GALNTL6: variants seen among roughly 807,000 people sequenced by gnomAD.
GALNTL6 encodes polypeptide N-acetylgalactosaminyltransferase-like 6.
In GALNTL6, 46 loss-of-function variants were observed where a neutral mutation model predicts 73.7. The ratio of observed to expected loss-of-function variants is 0.62; its 90% confidence interval spans 0.49 to 0.80. The LOEUF (loss-of-function observed/expected upper bound fraction) is 0.80. Among genes scored for constraint, GALNTL6 ranks in the 30% least tolerant of loss-of-function variants. The pLI, the probability that GALNTL6 is intolerant of heterozygous loss-of-function variation, is 0.00. For missense variants in GALNTL6, 604 were observed against 755.0 expected (o/e 0.80, Z 2.34); for synonymous variants, 259 against 263.7 (o/e 0.98, Z 0.17).
At chr4:172,612,809 C>G (rs1186352111) in intron 5 of GALNTL6, among the ~76,000 whole-genome samples, 1 of 152,098 alleles carries the variant, frequency 6.6e-6, no homozygotes, top group Non-Finnish European at 1.5e-5. Flanking sequence ...TCCTGATCTA[C>G]TTCAGTGCTT....
chr4:172,467,908 T>A (rs11933543), intron 5 of GALNTL6, among the ~76,000 whole-genome samples: 2 of 149,092 alleles, frequency 1.3e-5, no homozygotes, highest in Non-Finnish European at 3.0e-5. Context: ...TTTTTTTTTT[T>A]ACTTGAGGCA....
At chr4:171,910,634 A>G (rs533738625) in intron 2 of GALNTL6, among the ~76,000 whole-genome samples, 2 of 152,038 alleles carry the variant, frequency 1.3e-5, no homozygotes, top group Non-Finnish European at 2.9e-5. Flanking sequence ...TAACCATCTT[A>G]CCCTGTTCGC....
chr4:172,392,013 G>A (rs1247125590), intron 5 of GALNTL6, among the ~76,000 whole-genome samples: 2 of 151,920 alleles, frequency 1.3e-5, no homozygotes, highest in Non-Finnish European at 2.9e-5. Context: ...CTTTGAGATG[G>A]AGTCTTGCTC....
intron 2 of GALNTL6, among the ~76,000 whole-genome samples, chr4:171,967,210 T>C (rs184701218): frequency 7.6e-4 from 116 of 152,368 alleles, no homozygotes; most frequent in Non-Finnish European, 1.1e-3. Context: ...AGCTGCTAGA[T>C]TATAAACAAG....
intron 8 of GALNTL6, among the ~76,000 whole-genome samples, chr4:172,924,533 G>A (rs1747952284): frequency 6.6e-6 from 1 of 152,178 alleles, no homozygotes; most frequent in Non-Finnish European, 1.5e-5. Context: ...CCAAATCTGG[G>A]GGCTCAGTGT....
intron 5 of GALNTL6, among the ~76,000 whole-genome samples, chr4:172,602,631 T>C (rs1264088501): frequency 3.3e-5 from 5 of 152,158 alleles, no homozygotes; most frequent in Non-Finnish European, 7.4e-5. Context: ...TTCTCATACA[T>C]TGACCATTCG....
intron 2 of GALNTL6, among the ~76,000 whole-genome samples, chr4:171,914,117 C>G (rs1737547938): frequency 6.6e-6 from 1 of 152,016 alleles, no homozygotes; most frequent in South Asian, 2.1e-4. Flanking sequence ...ATCATCAAAA[C>G]ACTATAGAGC....
chr4:172,850,534 G>A (rs577350601), intron 7 of GALNTL6, among the ~76,000 whole-genome samples: 35 of 152,102 alleles, frequency 2.3e-4, no homozygotes, highest in Non-Finnish European at 4.4e-4. Flanking sequence ...AAATATACGG[G>A]AATTTCTCCT....
chr4:172,648,425 G>A (rs1025006869), intron 5 of GALNTL6, among the ~76,000 whole-genome samples: 1 of 152,126 alleles, frequency 6.6e-6, no homozygotes, highest in Non-Finnish European at 1.5e-5. Flanking sequence ...GTTAATATTA[G>A]TTAGTAGTCA....
At chr4:172,079,459 T>C (rs1042348115) in intron 2 of GALNTL6, among the ~76,000 whole-genome samples, 4 of 152,120 alleles carry the variant, frequency 2.6e-5, no homozygotes, top group Non-Finnish European at 4.4e-5. Flanking sequence ...GTTCTCTTTC[T>C]GTAATTTTGA....
chr4:172,166,270 C>T (rs940896888), intron 2 of GALNTL6, among the ~76,000 whole-genome samples: 8 of 151,874 alleles, frequency 5.3e-5, no homozygotes, highest in African/African-American at 4.8e-5. Flanking sequence ...ATGGTGAAAC[C>T]CCGTCTCTAC....
intron 5 of GALNTL6, among the ~76,000 whole-genome samples, chr4:172,403,931 G>A (rs1744126536): frequency 6.6e-6 from 1 of 151,974 alleles, no homozygotes; most frequent in Non-Finnish European, 1.5e-5. Context: ...TACATTGTTA[G>A]AGGAGAGGCA....
chr4:172,520,774 G>T (rs898284889), intron 5 of GALNTL6, among the ~76,000 whole-genome samples: 7 of 151,724 alleles, frequency 4.6e-5, no homozygotes, highest in Non-Finnish European at 8.8e-5. Context: ...CTCATATCTG[G>T]TCATGTTACA....
rs531149238 is a variant in GALNTL6 at position 171,974,895 on chromosome 4, A to T, written c.138+160177A>T. ...GGTTGTAACAGTGGCTTTTTCAATG[A>T]TGCTTTCTTAATGACACTTTACAAA... On this transcript the variant is annotated intron_variant, in intron 2 of 12. Coordinates refer to ENST00000506823, the MANE Select transcript of GALNTL6 (RefSeq NM_001034845.3). Among the ~76,000 whole-genome samples, 4 of 152,308 alleles carry T rather than the reference A, an allele frequency of 2.6e-5. No homozygotes were observed. The East Asian group carries it at 7.7e-4, about 29-fold the overall frequency.
Position 172,561,213 on chromosome 4 carries a change from A to G in GALNTL6, c.553+212524A>G, listed in dbSNP as rs896137664. On this transcript the variant is annotated intron_variant, in intron 5 of 12. Transcript: ENST00000506823. ...GCTTGCAGTGAGCCGAGATTGCGCC[A>G]CTGCAGTCCGCAGTCCGGCCTGGGC... is the stretch of plus-strand genomic sequence containing the variant. Among the ~76,000 whole-genome samples the G allele has an allele frequency of 2.9e-5, 4 of 137,022 alleles. No individual in the cohort carries two copies. In the Admixed American group the frequency reaches 3.5e-4, roughly 12 times the overall value. 89.9% of individuals were successfully genotyped at this position (137,022 alleles called of 152,430 possible). A position where few individuals can be genotyped will look rare whatever the true frequency, so the allele number is the denominator to read the frequency against.
At chr4:172,369,557 G>A (rs1742705684) in intron 5 of GALNTL6, among the ~76,000 whole-genome samples, 1 of 152,284 alleles carries the variant, frequency 6.6e-6, no homozygotes, top group South Asian at 2.1e-4. Flanking sequence ...GGCTGCATGG[G>A]AGCACCCTGG....
At chr4:172,481,509 G>T (rs1733472583) in intron 5 of GALNTL6, among the ~76,000 whole-genome samples, 1 of 149,798 alleles carries the variant, frequency 6.7e-6, no homozygotes, top group Non-Finnish European at 1.5e-5. Context: ...TTTACAGAGA[G>T]CTGATTGGTC....
intron 5 of GALNTL6, among the ~76,000 whole-genome samples, chr4:172,436,682 T>C (rs546964385): frequency 6.6e-6 from 1 of 152,236 alleles, no homozygotes; most frequent in African/African-American, 2.4e-5. Flanking sequence ...TTTACTTGAC[T>C]CAAGAGGCCA....
At chr4:172,562,796 A>C (rs1736423114) in intron 5 of GALNTL6, among the ~76,000 whole-genome samples, 1 of 152,232 alleles carries the variant, frequency 6.6e-6, no homozygotes, top group Non-Finnish European at 1.5e-5. Context: ...ATTTAGAGTA[A>C]ATCACAGAGT....
Sources: allele counts gnomAD v4.1 joint callset (sites outside exome capture counted in the v4.1 genomes callset), GRCh38; gene constraint gnomAD v4.1.1; transcripts MANE v1.5; gene names NCBI Gene and HGNC (gene_info 2026-07-23, HGNC 2026-07-21).